SNAPC4: variants seen among roughly 807,000 people sequenced by gnomAD.
SNAPC4 encodes snRNA-activating protein complex subunit 4.
SNAPC4 carries 127 observed loss-of-function variants against 151.3 expected under a neutral mutation model. The observed-to-expected ratio is 0.84, with a 90% CI of 0.73 to 0.97. The LOEUF is 0.97. Ranked by LOEUF, SNAPC4 falls within the 50% of genes least tolerant of loss-of-function variation. The probability of loss-of-function intolerance (pLI) is 0.00; values close to 1 mark genes in which losing one functional copy is unlikely to be tolerated. For synonymous variants in SNAPC4, 1,002 were observed against 824.4 expected (o/e 1.22, Z -3.69); for missense variants, 2,186 against 1,935.0 (o/e 1.13, Z -2.43).
chr9:136,386,226 G>A (rs1483533196), intron 13 of SNAPC4, among the ~76,000 whole-genome samples: 1 of 151,772 alleles, frequency 6.6e-6, no homozygotes, highest in African/African-American at 2.4e-5. Flanking sequence ...CATGGCGCCA[G>A]GCATCTCTTC....
At chr9:136,397,403 A>G (rs896641788) in intron 2 of SNAPC4, among the ~76,000 whole-genome samples, 1 of 151,006 alleles carries the variant, frequency 6.6e-6, no homozygotes, top group Non-Finnish European at 1.5e-5. Flanking sequence ...ACCACAGGAG[A>G]AAGATAGCAG....
rs1488697047 is a variant in SNAPC4 at position 136,394,790 on chromosome 9, G to A, written c.550+10C>T. ...CTCAGGGGTGCCGCAGGGCCGGCCA[G>A]GGCTCTTACATTTGGTCACAAGGAG... On this transcript the variant is annotated intron_variant, in intron 6 of 23. Coordinates refer to ENST00000684778, the MANE Select transcript of SNAPC4 (RefSeq NM_003086.4). 2 of 1,613,130 alleles carry A rather than the reference G, an allele frequency of 1.2e-6. No individual in the cohort carries two copies. The highest frequency in any genetic ancestry group is 1.7e-6 in the Non-Finnish European group (2 of 1,179,522).
Position 136,383,329 on chromosome 9 carries a change from C to T in SNAPC4, c.1840G>A (p.Ala614Thr), listed in dbSNP as rs1159693588. ...CCAGGAGCCGCGGCTGTGGTGGAAGCTTCCTTGCTGCCGCCCTGGCTGGCA... is the reference window on the plus strand; with the variant it reads ...CCAGGAGCCGCGGCTGTGGTGGAAGTTTCCTTGCTGCCGCCCTGGCTGGCA... ...SSASQGGSKE[A>T]STTAAAPGEE... Residue 614 changes from alanine (A) to threonine (T), a missense_variant, in exon 16 of 24, where the codon GCT becomes ACT. Ala to Thr is a moderately conservative substitution (Grantham distance 58, BLOSUM62 0). Coordinates refer to ENST00000684778, the MANE Select transcript of SNAPC4 (RefSeq NM_003086.4). This position sits in a 1 kb window ranked among gnomAD's most constrained non-coding sequence, Gnocchi z 4.2. The T allele has an allele frequency of 6.2e-7, 1 of 1,611,272 alleles. No individual in the cohort carries two copies. The highest frequency in any genetic ancestry group is 1.7e-5 in the Admixed American group (1 of 59,850).
chr9:136,378,684 G>GGGGCTGC lies in SNAPC4; in HGVS notation c.3136_3142dup (p.Pro1048ArgfsTer73). 6.7e-7 allele frequency: 1 copy of GGGGCTGC among 1,497,384 alleles called. No individual in the cohort carries two copies. Among genetic ancestry groups the GGGGCTGC allele is most frequent in the Non-Finnish European group, 8.9e-7 (1 of 1,123,978 alleles). The allele number at this position is 1,497,384 out of a possible 1,614,324, so 92.8% of individuals were successfully genotyped here. On this transcript the variant is annotated frameshift_variant, in exon 22 of 24. Coordinates refer to ENST00000684778, the MANE Select transcript of SNAPC4 (RefSeq NM_003086.4). LOFTEE classifies it high-confidence loss of function. ...CTGGACGGGCAGTGGGGTGGGGCTGGGGGCTGCGGGGAGAAAGGGTGGCGC... is the reference window on the plus strand; with the variant it reads ...CTGGACGGGCAGTGGGGTGGGGCTGGGGGCTGCGGGCTGCGGGGAGAAAGGGTGGCGC...
chr9:136,398,802 T>G, intron 1 of SNAPC4: 1 of 211,128 alleles, frequency 4.7e-6, no homozygotes, highest in South Asian at 7.8e-5. Context: ...AGGTGTGGGG[T>G]GCAGTGGCAA....
rs1297077892 is a variant in SNAPC4, at chr9:136,381,844, G to A, written c.2297C>T (p.Pro766Leu). 1.2e-6 allele frequency: 2 copies of A among 1,610,438 alleles called. No individual in the cohort carries two copies. The highest frequency in any genetic ancestry group is 1.7e-6 in the Non-Finnish European group (2 of 1,178,422). The change falls in exon 18 of 24, where the codon CCC becomes CTC. Residue 766 changes from proline to leucine, a missense_variant. Pro to Leu is a moderately conservative substitution (Grantham distance 98, BLOSUM62 -3). Coordinates refer to ENST00000684778, the MANE Select transcript of SNAPC4 (RefSeq NM_003086.4). ...VVPCTQASQRPAVVQTQADGL... is the reference protein window; with the variant it reads ...VVPCTQASQRLAVVQTQADGL... Reference sequence around the variant, plus strand: ...CATACCTTGAGTCTGCACTACGGCGGGTCTCTGGGAAGCCTGTGTGCAGGG... The same window carrying A: ...CATACCTTGAGTCTGCACTACGGCGAGTCTCTGGGAAGCCTGTGTGCAGGG...
chr9:136,379,855 T>C lies in SNAPC4; in HGVS notation c.2509A>G (p.Ser837Gly), dbSNP rs776298730. 1.2e-6 allele frequency: 2 copies of C among 1,613,296 alleles called. No individual in the cohort carries two copies. Among genetic ancestry groups the C allele is most frequent in the Non-Finnish European group, 1.7e-6 (2 of 1,179,712 alleles). The change falls in exon 21 of 24, where the codon AGT (serine) becomes GGT (glycine). Residue 837 changes from serine (S) to glycine (G), a missense_variant. By Grantham distance (56) the Ser-to-Gly change is moderately conservative (BLOSUM62 0). Transcript: ENST00000684778. ...GAGTTACCTGGGGTGCTCTGGGCAC[T>C]TGAGGATGCCTGGAAATGAAAGAGA... ...PPVHLLQASS[S>G]AQSTPGHLFP...
chr9:136,380,780 G>A lies in SNAPC4; in HGVS notation c.2459C>T (p.Pro820Leu). ...RERKALPPRL[P>L]QAGARDPPVH... ...TGGTGGGTCCCGAGCACCAGCCTGG[G>A]GCAGCCTGGGTGGCAGGGCCTTCCT... is the stretch of plus-strand genomic sequence containing the variant. The change falls in exon 20 of 24, where the codon CCC (proline) becomes CTC (leucine). Residue 820 changes from proline to leucine, a missense_variant. Coordinates refer to ENST00000684778, the MANE Select transcript of SNAPC4 (RefSeq NM_003086.4). The A allele has an allele frequency of 6.2e-7, 1 of 1,611,118 alleles. No individual in the cohort carries two copies. Among genetic ancestry groups the A allele is most frequent in the Non-Finnish European group, 8.5e-7 (1 of 1,178,288 alleles).
At chr9:136,381,694 T>A in intron 18 of SNAPC4, 130 bp downstream of exon 18, 1 of 1,152,654 alleles carries the variant, frequency 8.7e-7, no homozygotes, top group Non-Finnish European at 1.2e-6. Context: ...TGACCAGAGG[T>A]GGCGCCCACC....
Position 136,379,931 on chromosome 9 carries a change from G to C in SNAPC4, c.2500-67C>G, listed in dbSNP as rs1465163062. ...CTGCTGGCTTGGACCACCTCTCCTAGCATCTGGACTATCCCCTGCCACTCC... is the reference window on the plus strand; with the variant it reads ...CTGCTGGCTTGGACCACCTCTCCTACCATCTGGACTATCCCCTGCCACTCC... On this transcript the variant is annotated intron_variant, in intron 20 of 23. Transcript: ENST00000684778. 6 of 1,517,752 alleles carry C rather than the reference G, an allele frequency of 4.0e-6. No individual in the cohort carries two copies. The African/African-American group carries it at 4.1e-5, about 10-fold the overall frequency. The allele number at this position is 1,517,752 out of a possible 1,614,324, so 94.0% of individuals were successfully genotyped here.
chr9:136,394,207 C>A (rs1392549026), intron 7 of SNAPC4, 42 bp downstream of exon 7: 9 of 1,513,570 alleles, frequency 5.9e-6, no homozygotes, highest in Non-Finnish European at 8.3e-6. Flanking sequence ...GAGCCCTATG[C>A]CCAGCCTGAA....
At chr9:136,389,110 G>A (rs1463947280) in intron 10 of SNAPC4, among the ~76,000 whole-genome samples, 1 of 152,142 alleles carries the variant, frequency 6.6e-6, no homozygotes, top group East Asian at 1.9e-4. Flanking sequence ...GCCCCAAAAT[G>A]ACTCTCCCAG....
chr9:136,379,406 T>C, intron 21 of SNAPC4, 107 bp from the exon 22 acceptor site: 2 of 1,522,404 alleles, frequency 1.3e-6, no homozygotes, highest in Non-Finnish European at 1.8e-6. Flanking sequence ...GAGCCTGGGG[T>C]CTTGAGCCAA....
intron 9 of SNAPC4, 107 bp from the exon 10 acceptor site, chr9:136,392,213 C>A: frequency 7.2e-7 from 1 of 1,397,904 alleles, no homozygotes; most frequent in South Asian, 1.2e-5. Flanking sequence ...GCTTCCACGG[C>A]TGCAAGTAAG....
At chr9:136,390,345 G>A (rs1213326535) in intron 10 of SNAPC4, among the ~76,000 whole-genome samples, 7 of 151,982 alleles carry the variant, frequency 4.6e-5, no homozygotes, top group Non-Finnish European at 1.0e-4. Context: ...CACAACGTCA[G>A]GAGACTGAGA....
rs1238447522 is a variant in SNAPC4 at position 136,383,550 on chromosome 9, CTG to C, written c.1617_1618del (p.Ser539ArgfsTer17). 3.8e-6 allele frequency: 6 copies of C among 1,596,806 alleles called. No individual in the cohort carries two copies. The highest frequency in any genetic ancestry group is 4.3e-6 in the Non-Finnish European group (5 of 1,169,890). On this transcript the variant is annotated frameshift_variant, in exon 16 of 24. Coordinates refer to ENST00000684778, the MANE Select transcript of SNAPC4 (RefSeq NM_003086.4). LOFTEE classifies it high-confidence loss of function. The surrounding 1 kb of genome is among the most constrained non-coding windows in gnomAD (Gnocchi z 4.2). ...CTCTGGCTCGTCCTCCTCGCTGCTG[CTG>C]CTGCTGCTGCTGCTGCTCCCTCCAC... is the stretch of plus-strand genomic sequence containing the variant.
At chr9:136,381,142 T>C (rs1833675130) in intron 19 of SNAPC4, among the ~76,000 whole-genome samples, 180 bp downstream of exon 19, 1 of 152,206 alleles carries the variant, frequency 6.6e-6, no homozygotes, top group South Asian at 2.1e-4. Flanking sequence ...CAGTGCACAC[T>C]GTAGCCGGCA....
In SNAPC4 at chr9:136,392,535, ATCT is replaced by A. The variant is rs961808384; in HGVS notation, c.794_796del (p.Lys265del). The A allele has an allele frequency of 1.2e-6, 2 of 1,613,794 alleles. No individual in the cohort carries two copies. The highest frequency in any genetic ancestry group is 1.7e-6 in the Non-Finnish European group (2 of 1,180,006). ...CCCCTGACTTACGTTAATATTGGAA[ATCT>A]TCTCCCAGTCGTGGCTGTCCAGCCT... On this transcript the variant is annotated inframe_deletion, in exon 9 of 24. Coordinates refer to ENST00000684778, the MANE Select transcript of SNAPC4 (RefSeq NM_003086.4).
At position 136,378,097 on chromosome 9, in the gene SNAPC4, G is replaced by A. The variant is rs1261517029; in HGVS notation, c.3730C>T (p.Gln1244Ter). Reference protein sequence around the residue: ...PLGLEKLPLRQPGPEKGALDL... With the variant: ...PLGLEKLPLR Reference sequence around the variant, plus strand: ...AGGGCCCCCTTCTCAGGCCCAGGCTGGCGCAGGGGCAGCTTCTCCAGGCCC... The same window carrying A: ...AGGGCCCCCTTCTCAGGCCCAGGCTAGCGCAGGGGCAGCTTCTCCAGGCCC... Residue 1244 changes from glutamine (Q) to a stop codon, truncating the protein, a stop_gained, in exon 22 of 24, where the codon CAG becomes TAG. Transcript: ENST00000684778. LOFTEE classifies it high-confidence loss of function. 1 of 1,589,338 alleles carries A rather than the reference G, an allele frequency of 6.3e-7. No homozygotes were observed. The highest frequency in any genetic ancestry group is 8.6e-7 in the Non-Finnish European group (1 of 1,169,122).
Sources: allele counts gnomAD v4.1 joint callset (sites outside exome capture counted in the v4.1 genomes callset), GRCh38; gene constraint gnomAD v4.1.1; non-coding constraint Gnocchi (gnomAD v3.1); transcripts MANE v1.5; gene names NCBI Gene and HGNC (gene_info 2026-07-23, HGNC 2026-07-21).